SPATS2L: variants seen among roughly 807,000 people sequenced by gnomAD.
SPATS2L encodes the protein SPATS2-like protein.
SPATS2L carries 30 observed loss-of-function variants against 59.6 expected under a neutral mutation model. The ratio of observed to expected loss-of-function variants is 0.50; its 90% CI spans 0.38 to 0.68. The LOEUF is 0.68. Ranked by LOEUF, SPATS2L falls within the 30% of genes least tolerant of loss-of-function variation. The pLI is 0.00. For missense variants in SPATS2L, 615 were observed against 700.0 expected, an observed-to-expected ratio of 0.88 and a Z score of 1.37; for synonymous variants, 252 against 263.5, an observed-to-expected ratio of 0.96 and a Z score of 0.42.
At chr2:200,370,790 C>G (rs573452301) in intron 2 of SPATS2L, among the ~76,000 whole-genome samples, 2 of 152,280 alleles carry the variant, frequency 1.3e-5, no homozygotes, top group Admixed American at 1.3e-4. Flanking sequence ...GATTCAAGCC[C>G]AGACTGTGTA....
intron 8 of SPATS2L, 132 bp from the exon 9 acceptor site, chr2:200,459,637 A>G (rs1574658335): frequency 1.4e-6 from 1 of 721,634 alleles, no homozygotes; most frequent in Non-Finnish European, 2.3e-6. Context: ...TACTGCTGGC[A>G]TTGTAGCATA....
intron 2 of SPATS2L, among the ~76,000 whole-genome samples, chr2:200,360,989 G>GTGTGTA (rs979507283): frequency 6.6e-6 from 1 of 151,166 alleles, no homozygotes; most frequent in Admixed American, 6.6e-5. Flanking sequence ...GTGTGTGTGT[G>GTGTGTA]TGTGTGTGAC....
chr2:200,307,234 G>A (rs1406554836), intron 1 of SPATS2L, among the ~76,000 whole-genome samples: 1 of 151,616 alleles, frequency 6.6e-6, no homozygotes, highest in Non-Finnish European at 1.5e-5. Context: ...GCGCTCCGAC[G>A]TGTACCCGCC....
chr2:200,450,332 T>C (rs575357222), intron 8 of SPATS2L, among the ~76,000 whole-genome samples: 4 of 152,204 alleles, frequency 2.6e-5, no homozygotes, highest in Non-Finnish European at 5.9e-5. Flanking sequence ...GGCAATAAGT[T>C]ATCCCTTCCA....
intron 3 of SPATS2L, among the ~76,000 whole-genome samples, chr2:200,396,031 A>ATATATGTAT (rs1337421806): frequency 3.2e-5 from 1 of 30,958 alleles, no homozygotes; most frequent in African/African-American, 9.0e-5. Flanking sequence ...AAAAAAAAAA[A>ATATATGTAT]AAATATATAT....
At chr2:200,305,969 G>T (rs1295178696), upstream of SPATS2L, 1 of 847,378 alleles carries the variant, frequency 1.2e-6, no homozygotes, top group Non-Finnish European at 1.4e-6. Flanking sequence ...TTACTCTCCC[G>T]ACTACTGTAC....
intron 8 of SPATS2L, among the ~76,000 whole-genome samples, chr2:200,447,444 A>T (rs2085123419): frequency 6.6e-6 from 1 of 152,234 alleles, no homozygotes; most frequent in Non-Finnish European, 1.5e-5. Flanking sequence ...TAATTAGGAG[A>T]TCACTGGAAT....
chr2:200,331,102 T>G (rs528334494), intron 2 of SPATS2L, among the ~76,000 whole-genome samples: 6 of 152,330 alleles, frequency 3.9e-5, no homozygotes, highest in African/African-American at 1.2e-4. Context: ...TGCCAGCAGT[T>G]ATGAAAGACT....
At chr2:200,306,621 A>AGGCGGGCGGGTC, upstream of SPATS2L, 1 of 947,750 alleles carries the variant, frequency 1.1e-6, no homozygotes, top group Non-Finnish European at 1.3e-6. Context: ...ACCGAGGGGA[A>AGGCGGGCGGGTC]GGCGGGCGGG....
chr2:200,348,915 A>G (rs944840248), intron 2 of SPATS2L, among the ~76,000 whole-genome samples: 3 of 151,678 alleles, frequency 2.0e-5, no homozygotes, highest in Admixed American at 2.0e-4. Flanking sequence ...GCATGTGAAG[A>G]AGTTGAATTT....
At chr2:200,393,298 G>A (rs540562290) in intron 3 of SPATS2L, 3 of 456,788 alleles carry the variant, frequency 6.6e-6, no homozygotes, top group South Asian at 1.5e-5. Context: ...CGACATTAGA[G>A]TGTCTTATTC....
chr2:200,374,258 A>G (rs919518826), intron 2 of SPATS2L, among the ~76,000 whole-genome samples: 12 of 152,164 alleles, frequency 7.9e-5, no homozygotes, highest in African/African-American at 2.9e-4. Flanking sequence ...GGCTTTACAC[A>G]TTAGTCACTG....
intron 3 of SPATS2L, among the ~76,000 whole-genome samples, chr2:200,406,627 A>G (rs1433083026): frequency 6.6e-6 from 1 of 152,128 alleles, no homozygotes; most frequent in Non-Finnish European, 1.5e-5. Context: ...TAGCCAGGCC[A>G]CTTCCTGACC....
At position 200,482,244 on chromosome 2, in the gene SPATS2L, T is replaced by C. The variant is rs1223350446; in HGVS notation, c.*4213T>C. 2 of 152,218 alleles carry C rather than the reference T, an allele frequency of 1.3e-5. No homozygotes were observed. Among genetic ancestry groups the C allele is most frequent in the Non-Finnish European group, 2.9e-5 (2 of 68,032 alleles). The allele number at this position is 152,218 out of a possible 1,614,324, so 9.4% of individuals were successfully genotyped here. A position where few individuals can be genotyped will look rare whatever the true frequency, so the allele number is the denominator to read the frequency against. ...AAGGATTTTAAAATCTTTTTGCTTC[T>C]TTAATAAATTCTAACAAAGTTTTGT... is the stretch of plus-strand genomic sequence containing the variant. On this transcript the variant is annotated 3_prime_UTR_variant, in exon 13 of 13. Transcript: ENST00000409140.
chr2:200,352,100 T>C (rs1574469599), intron 2 of SPATS2L, among the ~76,000 whole-genome samples: 1 of 152,212 alleles, frequency 6.6e-6, no homozygotes, highest in Admixed American at 6.5e-5. Context: ...TTTTGCTTTT[T>C]GTAAATGCCT....
chr2:200,418,679 C>T (rs1388613781), intron 5 of SPATS2L, among the ~76,000 whole-genome samples: 1 of 152,196 alleles, frequency 6.6e-6, no homozygotes, highest in East Asian at 1.9e-4. Flanking sequence ...GACAGCAATT[C>T]CAGGAATCTC....
chr2:200,477,114 A>G (rs914107485), intron 12 of SPATS2L, among the ~76,000 whole-genome samples: 1 of 152,150 alleles, frequency 6.6e-6, no homozygotes, highest in Non-Finnish European at 1.5e-5. Flanking sequence ...GGGGTAGGCC[A>G]GGGGTGGTTT....
chr2:200,378,908 CATTAAAAGTT>C (rs1192045203), intron 2 of SPATS2L, among the ~76,000 whole-genome samples: 2 of 152,106 alleles, frequency 1.3e-5, no homozygotes, highest in Non-Finnish European at 2.9e-5. Flanking sequence ...ATAAAGATCC[CATTAAAAGTT>C]TAAAAAGCAT....
intron 8 of SPATS2L, among the ~76,000 whole-genome samples, chr2:200,444,293 A>C (rs2084890521): frequency 6.6e-6 from 1 of 152,262 alleles, no homozygotes; most frequent in Non-Finnish European, 1.5e-5. Context: ...GTGAAGACTT[A>C]AAATGAGCAA....
Sources: gnomAD v4.1 joint callset for allele counts (sites outside exome capture counted in the v4.1 genomes callset) on GRCh38, gnomAD v4.1.1 for gene constraint, MANE v1.5 for transcripts, NCBI Gene and HGNC (gene_info 2026-07-23, HGNC 2026-07-21) for gene names.